The following UPP2 variants were observed in gnomAD, a reference collection of about 807,000 sequenced individuals.
UPP2 encodes the protein UPase 2.
Under a neutral mutation model 26.7 loss-of-function variants are expected in UPP2, and 23 were observed. The ratio of observed to expected loss-of-function variants is 0.86; its 90% CI spans 0.62 to 1.22. The LOEUF is 1.22. UPP2 is among the 50% of genes most tolerant of loss of function. The pLI is 0.00. For synonymous variants in UPP2, 127 were observed against 141.3 expected (o/e 0.90, Z 0.72); for missense variants, 387 against 396.7 (o/e 0.98, Z 0.21).
At chr2:158,049,755 C>A (rs551486443) in intron 3 of UPP2, among the ~76,000 whole-genome samples, 69 of 152,248 alleles carry the variant, frequency 4.5e-4, no homozygotes, top group African/African-American at 1.5e-3. Context: ...AGTCTGTCAG[C>A]TTTCATTTGG....
intron 3 of UPP2, among the ~76,000 whole-genome samples, chr2:158,054,161 C>T (rs1175914047): frequency 6.6e-6 from 1 of 152,124 alleles, no homozygotes; most frequent in Non-Finnish European, 1.5e-5. Flanking sequence ...GTTTCAGCTA[C>T]TGAGGCATGA....
At chr2:158,100,699 A>G (rs1180554665), upstream of UPP2, among the ~76,000 whole-genome samples, 1 of 152,142 alleles carries the variant, frequency 6.6e-6, no homozygotes, top group Non-Finnish European at 1.5e-5. Context: ...GTTAAAGACT[A>G]TTTTGCCTCA....
At chr2:158,077,753 C>T (rs1045636504) in intron 3 of UPP2, among the ~76,000 whole-genome samples, 4 of 152,028 alleles carry the variant, frequency 2.6e-5, no homozygotes, top group Non-Finnish European at 5.9e-5. Context: ...CAAGCACAGG[C>T]AACCAAAGCA....
intron 3 of UPP2, among the ~76,000 whole-genome samples, chr2:158,094,918 C>T (rs1372507153): frequency 6.6e-6 from 1 of 152,150 alleles, no homozygotes; most frequent in African/African-American, 2.4e-5. Context: ...ACTTCATGAT[C>T]TGGTTAAGCG....
At chr2:158,070,337 C>A (rs1319051190) in intron 3 of UPP2, among the ~76,000 whole-genome samples, 1 of 152,214 alleles carries the variant, frequency 6.6e-6, no homozygotes, top group African/African-American at 2.4e-5. Context: ...TCTAGACAAG[C>A]CATCTCTACC....
chr2:158,007,483 C>T (rs1276380977), intron 2 of UPP2, among the ~76,000 whole-genome samples: 4 of 152,168 alleles, frequency 2.6e-5, no homozygotes, highest in East Asian at 1.9e-4. Flanking sequence ...CCCTGGCAAC[C>T]AGCTTGTCTT....
At chr2:158,065,575 G>T in intron 3 of UPP2, 1 of 549,762 alleles carries the variant, frequency 1.8e-6, no homozygotes, top group South Asian at 1.5e-5. Flanking sequence ...AGCTCCTGTG[G>T]AAGTCACATA....
At chr2:158,130,928 G>A (rs555646441) in intron 6 of UPP2, among the ~76,000 whole-genome samples, 1 of 152,274 alleles carries the variant, frequency 6.6e-6, no homozygotes, top group East Asian at 1.9e-4. Context: ...CATGACTCTA[G>A]AAGAACAAAT....
intron 2 of UPP2, among the ~76,000 whole-genome samples, chr2:158,001,153 C>T (rs1437218679): frequency 6.6e-6 from 1 of 152,194 alleles, no homozygotes; most frequent in Non-Finnish European, 1.5e-5. Context: ...TCAAATGCAC[C>T]TGTTTCTGCC....
intron 3 of UPP2, among the ~76,000 whole-genome samples, chr2:158,030,739 AT>A (rs1208023440): frequency 6.6e-6 from 1 of 152,196 alleles, no homozygotes; most frequent in Non-Finnish European, 1.5e-5. Context: ...GGATAACTAA[AT>A]GTCCCAGGGG....
Position 158,023,833 on chromosome 2 carries a change from C to A in UPP2, c.147+7947C>A, listed in dbSNP as rs543243837. ...AAGTTGCCAGGTCACTGTGGTGGAGCCTCCTATGTTCAAGCAGCAAACATT... is the reference window on the plus strand; with the variant it reads ...AAGTTGCCAGGTCACTGTGGTGGAGACTCCTATGTTCAAGCAGCAAACATT... On this transcript the variant is annotated intron_variant, in intron 3 of 9. Transcript: ENST00000605860. 1.2e-4 allele frequency among the ~76,000 whole-genome samples: 19 copies of A among 152,236 alleles called. No individual in the cohort carries two copies. The East Asian group carries it at 3.5e-3, about 28-fold the overall frequency.
chr2:158,049,304 G>C (rs555700663), intron 3 of UPP2, among the ~76,000 whole-genome samples: 1 of 152,174 alleles, frequency 6.6e-6, no homozygotes, highest in Non-Finnish European at 1.5e-5. Context: ...TTAGGGGTGT[G>C]TGCATCTGTC....
intron 3 of UPP2, among the ~76,000 whole-genome samples, chr2:158,059,194 T>C (rs1682310829): frequency 6.6e-6 from 1 of 152,226 alleles, no homozygotes; most frequent in Non-Finnish European, 1.5e-5. Context: ...AGATCATAGA[T>C]ATCTTCAAGA....
chr2:158,092,741 C>T (rs1202598260), intron 3 of UPP2, among the ~76,000 whole-genome samples: 4 of 152,052 alleles, frequency 2.6e-5, no homozygotes, highest in African/African-American at 9.7e-5. Flanking sequence ...TTACTTTATA[C>T]CAAAATGTGA....
chr2:158,076,698 C>T (rs1682635763), intron 3 of UPP2, among the ~76,000 whole-genome samples: 1 of 152,038 alleles, frequency 6.6e-6, no homozygotes, highest in Admixed American at 6.6e-5. Flanking sequence ...ATGTGAAAGA[C>T]TCACAGCTAG....
At chr2:158,006,395 G>T (rs1455468046) in intron 2 of UPP2, among the ~76,000 whole-genome samples, 4 of 150,924 alleles carry the variant, frequency 2.7e-5, no homozygotes, top group African/African-American at 9.7e-5. Context: ...CGTGAACAAG[G>T]GAGGCGGAGC....
At chr2:158,094,588 C>A (rs879521268) in intron 3 of UPP2, among the ~76,000 whole-genome samples, 8 of 152,146 alleles carry the variant, frequency 5.3e-5, no homozygotes, top group Non-Finnish European at 1.2e-4. Flanking sequence ...ATGGTTAACT[C>A]AATATATTGC....
intron 2 of UPP2, 61 bp from the exon 3 acceptor site, chr2:158,115,040 A>G: frequency 6.8e-7 from 1 of 1,477,092 alleles, no homozygotes; most frequent in Non-Finnish European, 9.0e-7. Context: ...TTAGAGTTGA[A>G]ACTGACCCGT....
At chr2:158,034,264 C>G (rs1032572928) in intron 3 of UPP2, among the ~76,000 whole-genome samples, 1 of 152,158 alleles carries the variant, frequency 6.6e-6, no homozygotes, top group Non-Finnish European at 1.5e-5. Context: ...CAAGTCTGCT[C>G]TCTGTGGGGA....
Sources: gnomAD v4.1 joint callset for allele counts (sites outside exome capture counted in the v4.1 genomes callset) on GRCh38, gnomAD v4.1.1 for gene constraint, MANE v1.5 for transcripts, NCBI Gene and HGNC (gene_info 2026-07-23, HGNC 2026-07-21) for gene names.